The following IDE variants were observed in gnomAD, a reference collection of about 807,000 sequenced individuals.
The protein encoded by IDE is insulin degrading enzyme.
Under a neutral mutation model 133.2 loss-of-function variants are expected in IDE, and 58 were observed. That is an observed-to-expected ratio of 0.44 (90% CI 0.35 to 0.54). The LOEUF is 0.54. Ranked by LOEUF, IDE falls within the 20% of genes least tolerant of loss-of-function variation. The probability of loss-of-function intolerance (pLI) is 0.00; values close to 1 mark genes in which losing one functional copy is unlikely to be tolerated. For missense variants in IDE, 981 were observed against 1,234.0 expected, an observed-to-expected ratio of 0.79 and a Z score of 3.07; for synonymous variants, 396 against 421.3, an observed-to-expected ratio of 0.94 and a Z score of 0.73.
At chr10:92,500,955 C>A (rs10882072) in intron 11 of IDE, among the ~76,000 whole-genome samples, 44,661 of 149,770 alleles carry the variant, frequency 0.3, 7,905 homozygotes, top group East Asian at 0.67. Context: ...GCAAGAGAAC[C>A]GCTTGAACCT....
intron 4 of IDE, among the ~76,000 whole-genome samples, chr10:92,523,566 T>C (rs911354160): frequency 1.3e-5 from 2 of 151,138 alleles, no homozygotes; most frequent in Middle Eastern, 3.4e-3. Flanking sequence ...TTAGGCATTG[T>C]GGTATGTGCC....
intron 5 of IDE, among the ~76,000 whole-genome samples, chr10:92,513,619 C>T (rs924304589): frequency 4.0e-5 from 6 of 149,976 alleles, no homozygotes; most frequent in Non-Finnish European, 5.9e-5. Flanking sequence ...ATATTAAGAA[C>T]ATTTTAAAAA....
intron 1 of IDE, among the ~76,000 whole-genome samples, chr10:92,567,752 T>C (rs1036046980): frequency 7.2e-5 from 11 of 152,282 alleles, no homozygotes; most frequent in Middle Eastern, 3.4e-3. Flanking sequence ...GGCAGGAAGA[T>C]TGCTTGAAGC....
chr10:92,524,241 G>A (rs114905526), intron 4 of IDE, among the ~76,000 whole-genome samples: 4,562 of 137,268 alleles, frequency 0.033, 317 homozygotes, highest in African/African-American at 0.12. Context: ...GGAAGTGGAG[G>A]TTACGGTAAG....
chr10:92,471,447 T>C (rs189682113), intron 17 of IDE, among the ~76,000 whole-genome samples: 178 of 152,306 alleles, frequency 1.2e-3, no homozygotes, highest in Admixed American at 2.3e-3. Flanking sequence ...TTAAGAAAAT[T>C]TAAGTTTGTT....
At chr10:92,571,312 G>C (rs977059555) in intron 1 of IDE, among the ~76,000 whole-genome samples, 21 of 152,156 alleles carry the variant, frequency 1.4e-4, no homozygotes, top group African/African-American at 4.8e-4. Context: ...ACCCCACCTG[G>C]CCTCAACCCT....
intron 4 of IDE, among the ~76,000 whole-genome samples, chr10:92,519,054 G>A (rs1356266912): frequency 6.6e-6 from 1 of 151,950 alleles, no homozygotes; most frequent in East Asian, 1.9e-4. Flanking sequence ...AAATACTGAA[G>A]TATTTAACAT....
chr10:92,479,181 AAG>A (rs1846450064), intron 15 of IDE, 94 bp downstream of exon 15: 3 of 855,794 alleles, frequency 3.5e-6, no homozygotes, highest in Non-Finnish European at 5.3e-6. Flanking sequence ...TTAAAAAAAA[AAG>A]AAATTAAACT....
At chr10:92,510,650 G>GAT (rs1197100407) in intron 5 of IDE, among the ~76,000 whole-genome samples, 3 of 150,818 alleles carry the variant, frequency 2.0e-5, no homozygotes, top group Non-Finnish European at 4.4e-5. Flanking sequence ...TCACATATAT[G>GAT]ATATATATCA....
intron 14 of IDE, among the ~76,000 whole-genome samples, chr10:92,481,115 A>G (rs1846580789): frequency 6.6e-6 from 1 of 152,216 alleles, no homozygotes; most frequent in South Asian, 2.1e-4. Flanking sequence ...TTAAGGCACA[A>G]TTCACAAAAA....
intron 11 of IDE, among the ~76,000 whole-genome samples, chr10:92,500,177 A>T (rs1427325608): frequency 1.3e-5 from 2 of 152,024 alleles, no homozygotes; most frequent in African/African-American, 4.8e-5. Flanking sequence ...CGTGCCTGTA[A>T]TCCCAGCTAC....
At chr10:92,492,111 T>C (rs1487659000) in intron 11 of IDE, among the ~76,000 whole-genome samples, 3 of 151,766 alleles carry the variant, frequency 2.0e-5, no homozygotes, top group Non-Finnish European at 2.9e-5. Context: ...ATACAAAAAA[T>C]TAGCCGGGTG....
Position 92,491,666 on chromosome 10 carries a change from A to G in IDE, c.1431-1071T>C, listed in dbSNP as rs145500366. 9.0e-4 allele frequency among the ~76,000 whole-genome samples: 135 copies of G among 150,478 alleles called. 1 individual carries two copies. The highest frequency in any genetic ancestry group is 3.2e-3 in the African/African-American group (129 of 40,866). On this transcript the variant is annotated intron_variant, in intron 11 of 24. Coordinates refer to ENST00000265986, the MANE Select transcript of IDE (RefSeq NM_004969.4). ...GCTCTTGCCACCCAGGCTGGAGTGC[A>G]ATGGTGCGATCTTGGCTCACTGCAA...
rs747993929 is a variant in IDE at position 92,465,693 on chromosome 10, C to T, written c.2471G>A (p.Arg824His). 6 of 1,613,174 alleles carry T rather than the reference C, an allele frequency of 3.7e-6. No individual in the cohort carries two copies. Among genetic ancestry groups the T allele is most frequent in the Non-Finnish European group, 5.1e-6 (6 of 1,179,184 alleles). The change falls in exon 20 of 25, where the codon CGC becomes CAC. Residue 824 changes from arginine to histidine, a missense_variant. This residue lies in a region of IDE where 660 missense variants were observed against 894.7 expected (regional missense o/e 0.74). Coordinates refer to ENST00000265986, the MANE Select transcript of IDE (RefSeq NM_004969.4). Reference sequence around the variant, plus strand: ...CCTCTCACCCAACTGCTCCTTGGTGCGCAGGGTGTTGAAGCAAGGTTCCGA... The same window carrying T: ...CCTCTCACCCAACTGCTCCTTGGTGTGCAGGGTGTTGAAGCAAGGTTCCGA... ...IISEPCFNTL[R>H]TKEQLGYIVF... is the part of the protein sequence containing the mutation.
chr10:92,565,724 T>C (rs1843506797), intron 1 of IDE, among the ~76,000 whole-genome samples: 1 of 152,194 alleles, frequency 6.6e-6, no homozygotes, highest in Admixed American at 6.5e-5. Context: ...CCAGTCATAT[T>C]TCAAATGCTT....
At chr10:92,491,906 C>T (rs1054665061) in intron 11 of IDE, among the ~76,000 whole-genome samples, 4 of 152,074 alleles carry the variant, frequency 2.6e-5, no homozygotes, top group Non-Finnish European at 4.4e-5. Context: ...CCACTGTGCC[C>T]AGCCTAAAAG....
intron 17 of IDE, 81 bp from the exon 18 acceptor site, chr10:92,470,426 T>C (rs1246217158): frequency 2.4e-6 from 2 of 827,550 alleles, no homozygotes; most frequent in East Asian, 2.7e-5. Flanking sequence ...TACAGAAGAC[T>C]TGCAAAAATA....
rs543056290 is a variant in IDE, at chr10:92,487,891, C to T, written c.1534-573G>A. Among the ~76,000 whole-genome samples, 12 of 152,092 alleles carry T rather than the reference C, an allele frequency of 7.9e-5. No individual in the cohort carries two copies. In the East Asian group the frequency reaches 9.7e-4, roughly 12 times the overall value. The stretch of plus-strand genomic sequence containing the variant: ...AACTCACTGCAACCTCCACCTCCTG[C>T]GTTCAAGTGATTCTTGTGCCTCAGC... On this transcript the variant is annotated intron_variant, in intron 12 of 24. Transcript: ENST00000265986.
intron 18 of IDE, 21 bp from the exon 19 acceptor site, chr10:92,469,011 C>T (rs746463293): frequency 7.8e-7 from 1 of 1,281,534 alleles, no homozygotes; most frequent in Non-Finnish European, 1.1e-6. Flanking sequence ...AGATATGTCC[C>T]AGCATATTAC....
Sources: allele counts gnomAD v4.1 joint callset (sites outside exome capture counted in the v4.1 genomes callset), GRCh38; gene constraint gnomAD v4.1.1; regional missense constraint gnomAD v4.1.1; transcripts MANE v1.5; gene names NCBI Gene and HGNC (gene_info 2026-07-23, HGNC 2026-07-21).